The following NAALADL2 variants were observed in gnomAD, a reference collection of about 807,000 sequenced individuals.
NAALADL2 encodes inactive N-acetylated-alpha-linked acidic dipeptidase-like protein 2.
In NAALADL2, 76 loss-of-function variants were observed where a neutral mutation model predicts 87.2. The observed-to-expected ratio is 0.87, with a 90% confidence interval of 0.72 to 1.05. The LOEUF is 1.05. Ranked by LOEUF, NAALADL2 falls within the 50% of genes least tolerant of loss-of-function variation. The pLI, the probability that NAALADL2 is intolerant of heterozygous loss-of-function variation, is 0.00. For synonymous variants in NAALADL2, 354 were observed against 331.0 expected, an observed-to-expected ratio of 1.07 and a Z score of -0.75; for missense variants, 1,089 against 945.8, an observed-to-expected ratio of 1.15 and a Z score of -1.99.
At chr3:175,383,109 A>T (rs1767975421) in intron 5 of NAALADL2, among the ~76,000 whole-genome samples, 1 of 152,092 alleles carries the variant, frequency 6.6e-6, no homozygotes, top group Non-Finnish European at 1.5e-5. Context: ...ATACAAGCAT[A>T]CAATGTGTAA....
chr3:175,540,035 C>A (rs1712029368), intron 9 of NAALADL2, among the ~76,000 whole-genome samples: 1 of 152,118 alleles, frequency 6.6e-6, no homozygotes, highest in Non-Finnish European at 1.5e-5. Flanking sequence ...TAAGTTTGAG[C>A]CCAGAATTAT....
intron 2 of NAALADL2, among the ~76,000 whole-genome samples, chr3:174,689,817 A>T (rs1039738958): frequency 3.9e-5 from 6 of 152,034 alleles, no homozygotes; most frequent in African/African-American, 1.4e-4. Flanking sequence ...GTTTAGGAAA[A>T]CTCAAATGTT....
chr3:175,228,230 A>G (rs571878493), intron 2 of NAALADL2, among the ~76,000 whole-genome samples: 2 of 152,066 alleles, frequency 1.3e-5, no homozygotes, highest in South Asian at 4.2e-4. Flanking sequence ...TATCACCTCA[A>G]TCAATTTTGA....
chr3:174,832,250 C>G (rs894374813), intron 3 of NAALADL2, among the ~76,000 whole-genome samples: 28 of 152,062 alleles, frequency 1.8e-4, no homozygotes, highest in Admixed American at 1.8e-3. Flanking sequence ...GCATTTAGTG[C>G]TATAAATTTC....
intron 6 of NAALADL2, among the ~76,000 whole-genome samples, chr3:175,448,267 T>C (rs1202336168): frequency 1.3e-5 from 2 of 152,244 alleles, no homozygotes; most frequent in Admixed American, 1.3e-4. Flanking sequence ...AAAACAGTAA[T>C]AAGCCAATGT....
At chr3:174,714,224 T>C (rs1228546163) in intron 2 of NAALADL2, among the ~76,000 whole-genome samples, 1 of 152,178 alleles carries the variant, frequency 6.6e-6, no homozygotes, top group Non-Finnish European at 1.5e-5. Flanking sequence ...TAGTTTGAAG[T>C]CAGGTCGCGT....
chr3:174,988,019 G>C (rs1196614862), intron 1 of NAALADL2, among the ~76,000 whole-genome samples: 2 of 149,542 alleles, frequency 1.3e-5, no homozygotes, highest in African/African-American at 2.6e-5. Context: ...TGTAAAATAA[G>C]TTAAGAGTTA....
intron 5 of NAALADL2, among the ~76,000 whole-genome samples, chr3:175,435,195 C>A (rs1029496632): frequency 9.2e-5 from 14 of 151,960 alleles, no homozygotes; most frequent in Middle Eastern, 3.4e-3. Context: ...AAACCCTTTA[C>A]CAGAGAAAGT....
chr3:175,614,300 C>T (rs1284427209), intron 10 of NAALADL2, among the ~76,000 whole-genome samples: 1 of 152,202 alleles, frequency 6.6e-6, no homozygotes, highest in Non-Finnish European at 1.5e-5. Context: ...ATCTGCCCGC[C>T]TCGGCCTCCC....
At chr3:175,118,529 A>C (rs745494267) in intron 2 of NAALADL2, among the ~76,000 whole-genome samples, 1 of 151,798 alleles carries the variant, frequency 6.6e-6, no homozygotes, top group Non-Finnish European at 1.5e-5. Context: ...GGCGGTAAAC[A>C]AACCATTAAA....
chr3:175,654,050 A>G (rs1731131592), intron 11 of NAALADL2, among the ~76,000 whole-genome samples: 1 of 152,204 alleles, frequency 6.6e-6, no homozygotes, highest in Non-Finnish European at 1.5e-5. Context: ...TGATTGTTGT[A>G]CAATCAAAAG....
chr3:175,797,805 G>A (rs1300685515), intron 13 of NAALADL2, among the ~76,000 whole-genome samples: 1 of 151,968 alleles, frequency 6.6e-6, no homozygotes, highest in Admixed American at 6.6e-5. Context: ...TAAGAGTATT[G>A]ATCTAATTGA....
chr3:174,956,644 A>G (rs920048557), intron 1 of NAALADL2, among the ~76,000 whole-genome samples: 6 of 152,072 alleles, frequency 3.9e-5, no homozygotes, highest in East Asian at 1.9e-4. Flanking sequence ...AGATAAATGG[A>G]CTAGCTGACT....
At chr3:175,292,593 T>TACACACACAC (rs71164627) in intron 4 of NAALADL2, among the ~76,000 whole-genome samples, 2,691 of 145,286 alleles carry the variant, frequency 0.019, 42 homozygotes, top group African/African-American at 0.038. Context: ...TGAGTTGGGA[T>TACACACACAC]ACACACACAC....
At chr3:175,440,517 C>G (rs1379005917) in intron 5 of NAALADL2, among the ~76,000 whole-genome samples, 1 of 152,104 alleles carries the variant, frequency 6.6e-6, no homozygotes, top group Non-Finnish European at 1.5e-5. Context: ...CATCCATGAT[C>G]ATAGGATGTG....
At chr3:174,516,108 T>G (rs1274461791) in intron 1 of NAALADL2, among the ~76,000 whole-genome samples, 1 of 152,116 alleles carries the variant, frequency 6.6e-6, no homozygotes, top group Non-Finnish European at 1.5e-5. Flanking sequence ...TATTTCATGG[T>G]CTTCATACTG....
chr3:175,485,955 A>G (rs1727199738), intron 9 of NAALADL2, among the ~76,000 whole-genome samples: 1 of 152,156 alleles, frequency 6.6e-6, no homozygotes, highest in Admixed American at 6.6e-5. Flanking sequence ...CTATCTGTGG[A>G]CCAGGAGATG....
intron 13 of NAALADL2, among the ~76,000 whole-genome samples, chr3:175,794,800 T>G (rs1248131097): frequency 6.6e-6 from 1 of 152,232 alleles, no homozygotes; most frequent in African/African-American, 2.4e-5. Flanking sequence ...AAAAAAATTA[T>G]GCTGTGATGG....
At chr3:175,758,015 G>A (rs1747486348) in intron 13 of NAALADL2, among the ~76,000 whole-genome samples, 1 of 151,938 alleles carries the variant, frequency 6.6e-6, no homozygotes, top group South Asian at 2.1e-4. Context: ...CACTTGCACT[G>A]GATACGGAAG....
Sources: allele counts gnomAD v4.1 joint callset (sites outside exome capture counted in the v4.1 genomes callset), GRCh38; gene constraint gnomAD v4.1.1; transcripts MANE v1.5; gene names NCBI Gene and HGNC (gene_info 2026-07-23, HGNC 2026-07-21).